COLGALT1: variants seen among roughly 807,000 people sequenced by gnomAD.
COLGALT1 encodes the protein collagen beta(1-O)galactosyltransferase 1.
A neutral mutation model predicts 60.8 loss-of-function variants in COLGALT1; 43 were observed. That is an observed-to-expected ratio of 0.71 (90% CI 0.55 to 0.91). The LOEUF (loss-of-function observed/expected upper bound fraction) is 0.91, where lower values mean the gene tolerates loss of function less well. COLGALT1 is among the 40% of genes least tolerant of loss of function. COLGALT1 has a pLI of 0.00. For synonymous variants in COLGALT1, 369 were observed against 374.2 expected (o/e 0.99, Z 0.16); for missense variants, 845 against 880.0 (o/e 0.96, Z 0.50).
At chr19:17,563,129 C>CA (rs1486652504) in intron 3 of COLGALT1, among the ~76,000 whole-genome samples, 6 of 150,234 alleles carry the variant, frequency 4.0e-5, no homozygotes, top group African/African-American at 1.5e-4. Flanking sequence ...GGGTGGAACT[C>CA]AAAGTGCTGG....
At position 17,573,522 on chromosome 19, in the gene COLGALT1, C is replaced by T. The variant is rs564721545; in HGVS notation, c.949+920C>T. On this transcript the variant is annotated intron_variant, in intron 6 of 11. Transcript: ENST00000252599. Reference sequence around the variant, plus strand: ...TCAGCCTGGCAACAGAGTGAAACTCCGTCTCAAAAAAAAAAATTTTTTTTT... The same window carrying T: ...TCAGCCTGGCAACAGAGTGAAACTCTGTCTCAAAAAAAAAAATTTTTTTTT... 1.3e-4 allele frequency among the ~76,000 whole-genome samples: 20 copies of T among 151,330 alleles called. No individual in the cohort carries two copies. The South Asian group carries it at 2.7e-3, about 21-fold the overall frequency.
intron 3 of COLGALT1, among the ~76,000 whole-genome samples, chr19:17,562,431 G>A: frequency 6.6e-6 from 1 of 152,158 alleles, no homozygotes; most frequent in East Asian, 1.9e-4. Context: ...GAGTGGCTGA[G>A]GCAAGTGGAT....
chr19:17,568,963 T>A (rs183782321), intron 5 of COLGALT1, among the ~76,000 whole-genome samples: 1 of 152,148 alleles, frequency 6.6e-6, no homozygotes, highest in African/African-American at 2.4e-5. Context: ...GCAGAGTGGC[T>A]TATGCCTGTA....
chr19:17,562,661 CA>C (rs59873634), intron 3 of COLGALT1, among the ~76,000 whole-genome samples: 62 of 140,138 alleles, frequency 4.4e-4, no homozygotes, highest in East Asian at 6.4e-4. Flanking sequence ...GACTATGTCT[CA>C]AAAAAAAAAA....
At chr19:17,575,969 T>A (rs930210338) in intron 6 of COLGALT1, among the ~76,000 whole-genome samples, 2 of 152,156 alleles carry the variant, frequency 1.3e-5, no homozygotes, top group African/African-American at 4.8e-5. Flanking sequence ...CATGACATAG[T>A]GCATGATCTC....
At chr19:17,570,964 T>A (rs2076309165) in intron 5 of COLGALT1, among the ~76,000 whole-genome samples, 1 of 152,186 alleles carries the variant, frequency 6.6e-6, no homozygotes, top group South Asian at 2.1e-4. Context: ...TGCCCATCAA[T>A]AAAGTGTCAT....
At chr19:17,578,213 C>G in intron 9 of COLGALT1, 124 bp downstream of exon 9, 2 of 1,080,046 alleles carry the variant, frequency 1.9e-6, no homozygotes, top group African/African-American at 3.2e-5. Flanking sequence ...AGCCATGGGA[C>G]CCATGGCCTC....
At position 17,580,378 on chromosome 19, in the gene COLGALT1, A is replaced by G; in HGVS notation, c.1395-321A>G. On this transcript the variant is annotated intron_variant, in intron 10 of 11. Transcript: ENST00000252599. Reference sequence around the variant, plus strand: ...CTCCATTCCTGACTGCCCCCCCATCAGGGCACCTCGCCCACCTCCACCCCC... The same window carrying G: ...CTCCATTCCTGACTGCCCCCCCATCGGGGCACCTCGCCCACCTCCACCCCC... 5 of 400,086 alleles carry G rather than the reference A, an allele frequency of 1.2e-5. No individual in the cohort carries two copies. In the South Asian group the frequency reaches 1.4e-4, roughly 11 times the overall value. The allele number at this position is 400,086 out of a possible 1,614,324, so 24.8% of individuals were successfully genotyped here.
At chr19:17,580,228 G>A (rs1899106718) in intron 10 of COLGALT1, 1 of 210,708 alleles carries the variant, frequency 4.7e-6, no homozygotes, top group South Asian at 7.7e-5. Flanking sequence ...CACTGGAGCC[G>A]TCCTTCTCTT....
At chr19:17,565,831 G>T (rs896035945) in intron 3 of COLGALT1, among the ~76,000 whole-genome samples, 5 of 152,102 alleles carry the variant, frequency 3.3e-5, no homozygotes. Flanking sequence ...AATATTCAAA[G>T]GTCACAGATT....
intron 3 of COLGALT1, among the ~76,000 whole-genome samples, chr19:17,565,786 A>C (rs1366371635): frequency 6.6e-6 from 1 of 152,190 alleles, no homozygotes; most frequent in Non-Finnish European, 1.5e-5. Flanking sequence ...CTTTTTGAGG[A>C]ACTGCCACAG....
At position 17,580,723 on chromosome 19, in the gene COLGALT1, G is replaced by T. The variant is rs1243857109; in HGVS notation, c.1419G>T (p.Gln473His). 6.2e-7 allele frequency: 1 copy of T among 1,614,086 alleles called. No homozygotes were observed. The highest frequency in any genetic ancestry group is 1.7e-5 in the Admixed American group (1 of 60,020). The change falls in exon 11 of 12, where the codon CAG (glutamine) becomes CAT (histidine). Residue 473 changes from glutamine to histidine, a missense_variant. Physicochemically the swap from Gln to His is conservative, Grantham distance 24. Transcript: ENST00000252599. ...DLIYVGRKRM[Q>H]VEHPEKAVPR... is the part of the protein sequence containing the mutation. ...GCTATGTGGGCCGGAAGCGGATGCA[G>T]GTGGAGCACCCCGAGAAGGCTGTGC...
At chr19:17,565,900 C>T (rs1458944841) in intron 3 of COLGALT1, 2 of 152,162 alleles carry the variant, frequency 1.3e-5, no homozygotes, top group Non-Finnish European at 2.9e-5. Context: ...TGTCCTAAGA[C>T]CCAGCCACCT....
Position 17,568,669 on chromosome 19 carries a change from C to T in COLGALT1, c.785C>T (p.Ser262Phe). The T allele has an allele frequency of 2.5e-6, 4 of 1,614,176 alleles. No homozygotes were observed. Among genetic ancestry groups the T allele is most frequent in the Non-Finnish European group, 3.4e-6 (4 of 1,180,020 alleles). ...CCACCTCACCCTGACTACACCTGGT[C>T]CTTTGACGACATCATCGTCTTTGCC... ...FYPPHPDYTW[S>F]FDDIIVFAFS... The change falls in exon 5 of 12, where the codon TCC (serine) becomes TTC (phenylalanine). Residue 262 changes from serine (S) to phenylalanine (F), a missense_variant. Coordinates refer to ENST00000252599, the MANE Select transcript of COLGALT1 (RefSeq NM_024656.4).
Position 17,559,408 on chromosome 19 carries a change from G to T in COLGALT1, c.358G>T (p.Ala120Ser). ...SLYHSVEWRP[A>S]EEPRSYPDEE... is the part of the protein sequence containing the mutation. ...GTACCATTCCGTGGAGTGGCGGCCA[G>T]CAGAGGAGCCCAGGTGAGCATCTTT... Residue 120 changes from alanine to serine, a missense_variant, in exon 2 of 12, where the codon GCA becomes TCA. By Grantham distance (99) the Ala-to-Ser change is moderately conservative (BLOSUM62 1). Transcript: ENST00000252599. 6.4e-7 allele frequency: 1 copy of T among 1,551,654 alleles called. No individual in the cohort carries two copies.
chr19:17,579,462 G>T lies in COLGALT1; in HGVS notation c.1267-20G>T, dbSNP rs1367456772. 1 of 1,609,390 alleles carries T rather than the reference G, an allele frequency of 6.2e-7. No individual in the cohort carries two copies. The highest frequency in any genetic ancestry group is 2.2e-5 in the East Asian group (1 of 44,880). On this transcript the variant is annotated intron_variant, in intron 9 of 11. Coordinates refer to ENST00000252599, the MANE Select transcript of COLGALT1 (RefSeq NM_024656.4). ...CCTGGCCTTGGCCTCCCTGTGATGT[G>T]GCGGGGCTTCCTCCCTCAGGTGGTG...
rs1208804272 is a variant in COLGALT1, at chr19:17,555,951, C to T, written c.238C>T (p.Pro80Ser). ...TLGALERLRH[P>S]RERTALWVAT... Reference sequence around the variant, plus strand: ...GGGCGCACTCGAGCGGCTGCGGCACCCGCGGGAGCGCACGGCGCTATGGTG... The same window carrying T: ...GGGCGCACTCGAGCGGCTGCGGCACTCGCGGGAGCGCACGGCGCTATGGTG... Residue 80 changes from proline (P) to serine (S), a missense_variant, in exon 1 of 12, where the codon CCG becomes TCG. Physicochemically the swap from Pro to Ser is moderately conservative, Grantham distance 74. Transcript: ENST00000252599. The T allele has an allele frequency of 1.4e-6, 2 of 1,383,012 alleles. No individual in the cohort carries two copies. The highest frequency in any genetic ancestry group is 1.5e-5 in the South Asian group (1 of 65,584). 85.7% of individuals were successfully genotyped at this position (1,383,012 alleles called of 1,614,324 possible).
rs2076294595 is a variant in COLGALT1, at chr19:17,568,683, A to AT, written c.800dup (p.Val268ArgfsTer37). The stretch of plus-strand genomic sequence containing the variant: ...CTACACCTGGTCCTTTGACGACATC[A>AT]TCGTCTTTGCCTTCTCCTGCAAGCA... On this transcript the variant is annotated frameshift_variant, in exon 5 of 12. Coordinates refer to ENST00000252599, the MANE Select transcript of COLGALT1 (RefSeq NM_024656.4). LOFTEE classifies it high-confidence loss of function. 1 of 1,614,040 alleles carries AT rather than the reference A, an allele frequency of 6.2e-7. No individual in the cohort carries two copies. The highest frequency in any genetic ancestry group is 1.7e-5 in the Admixed American group (1 of 59,994).
Position 17,581,635 on chromosome 19 carries a change from G to A in COLGALT1, c.*191G>A, listed in dbSNP as rs1161682453. ...TTAATGGAGTGCCTACTGCATGCCA[G>A]CAACAGGGCTTGGCCCTGGGGAATT... On this transcript the variant is annotated 3_prime_UTR_variant, in exon 12 of 12. Transcript: ENST00000252599. 1.4e-6 allele frequency: 1 copy of A among 730,810 alleles called. No individual in the cohort carries two copies. The highest frequency in any genetic ancestry group is 2.2e-6 in the Non-Finnish European group (1 of 457,554). The allele number at this position is 730,810 out of a possible 1,614,324, so 45.3% of individuals were successfully genotyped here. A position where few individuals can be genotyped will look rare whatever the true frequency, so the allele number is the denominator to read the frequency against.
Sources: gnomAD v4.1 joint callset for allele counts (sites outside exome capture counted in the v4.1 genomes callset) on GRCh38, gnomAD v4.1.1 for gene constraint, MANE v1.5 for transcripts, NCBI Gene and HGNC (gene_info 2026-07-23, HGNC 2026-07-21) for gene names.